CSMD1: variants seen among roughly 807,000 people sequenced by gnomAD.
CSMD1 encodes CUB and sushi domain-containing protein 1.
Under a neutral mutation model 417.5 loss-of-function variants are expected in CSMD1, and 213 were observed. That is an observed-to-expected ratio of 0.51 (90% confidence interval 0.46 to 0.57). The LOEUF (loss-of-function observed/expected upper bound fraction) is 0.57. CSMD1 is among the 20% of genes least tolerant of loss of function. The pLI, the probability that CSMD1 is intolerant of heterozygous loss-of-function variation, is 0.00. For missense variants in CSMD1, 6,923 were observed against 4,529.7 expected (o/e 1.53, Z -15.17); for synonymous variants, 2,862 against 1,736.8 (o/e 1.65, Z -16.11).
intron 23 of CSMD1, among the ~76,000 whole-genome samples, chr8:3,314,943 G>C (rs547100163): frequency 6.6e-6 from 1 of 152,194 alleles, no homozygotes; most frequent in East Asian, 1.9e-4. Context: ...AGCAACTCTT[G>C]AGAAAGTAGT....
At chr8:4,730,021 C>T (rs1199813199) in intron 1 of CSMD1, among the ~76,000 whole-genome samples, 1 of 152,272 alleles carries the variant, frequency 6.6e-6, no homozygotes, top group South Asian at 2.1e-4. Context: ...CAGAGCACAC[C>T]TGCTCCCATG....
chr8:3,554,493 G>A (rs1799056684), intron 10 of CSMD1, among the ~76,000 whole-genome samples: 1 of 152,150 alleles, frequency 6.6e-6, no homozygotes, highest in Non-Finnish European at 1.5e-5. Context: ...GAGGGTGGAA[G>A]GGAAGCAAGG....
chr8:3,608,747 G>C (rs536062904), intron 8 of CSMD1, among the ~76,000 whole-genome samples: 19 of 138,490 alleles, frequency 1.4e-4, no homozygotes, highest in Admixed American at 1.4e-3. Context: ...CTGGACAACA[G>C]AGTGAGACTC....
chr8:4,652,616 C>T (rs373009710), intron 1 of CSMD1, among the ~76,000 whole-genome samples: 5 of 151,892 alleles, frequency 3.3e-5, no homozygotes, highest in Admixed American at 6.6e-5. Flanking sequence ...CAAGCCATTG[C>T]ACCACAGCCT....
intron 4 of CSMD1, among the ~76,000 whole-genome samples, chr8:4,015,041 G>T (rs915299774): frequency 6.6e-5 from 10 of 151,996 alleles, no homozygotes; most frequent in Non-Finnish European, 1.2e-4. Context: ...TGATTTTTTT[G>T]AACAGTTTTA....
At chr8:4,240,901 A>G (rs1160040915) in intron 3 of CSMD1, among the ~76,000 whole-genome samples, 1 of 152,228 alleles carries the variant, frequency 6.6e-6, no homozygotes, top group African/African-American at 2.4e-5. Flanking sequence ...ATGTTACTGT[A>G]AAGAAAATAG....
chr8:3,291,877 T>A (rs1316294317), intron 25 of CSMD1, among the ~76,000 whole-genome samples: 2 of 152,126 alleles, frequency 1.3e-5, no homozygotes, highest in Admixed American at 6.5e-5. Flanking sequence ...AGCTTTTGAA[T>A]GTGTTTGTTC....
intron 5 of CSMD1, among the ~76,000 whole-genome samples, chr8:3,985,350 T>C (rs555610626): frequency 6.6e-6 from 1 of 152,328 alleles, no homozygotes; most frequent in African/African-American, 2.4e-5. Context: ...GGTTACAGAT[T>C]GCATTGTTTT....
At chr8:4,246,791 A>C (rs1370364118) in intron 3 of CSMD1, among the ~76,000 whole-genome samples, 2 of 152,216 alleles carry the variant, frequency 1.3e-5, no homozygotes, top group Non-Finnish European at 2.9e-5. Context: ...TTTGAAATGT[A>C]AAGAAATGTA....
intron 1 of CSMD1, among the ~76,000 whole-genome samples, chr8:4,883,250 G>T (rs867458141): frequency 2.6e-5 from 4 of 152,040 alleles, no homozygotes; most frequent in Middle Eastern, 3.2e-3. Context: ...GATCAGATAA[G>T]AGAATGATGA....
In CSMD1 at chr8:3,214,719, T is replaced by C. The variant is rs916079292; in HGVS notation, c.4673-28A>G. 8 of 1,518,454 alleles carry C rather than the reference T, an allele frequency of 5.3e-6. No homozygotes were observed. In the African/African-American group the frequency reaches 8.3e-5, roughly 16 times the overall value. 94.1% of individuals were successfully genotyped at this position (1,518,454 alleles called of 1,614,324 possible). A position where few individuals can be genotyped will look rare whatever the true frequency, so the allele number is the denominator to read the frequency against. ...GTGGAAGAAATGAATGTAAACTGCA[T>C]GAGAGCAGGGATCTTATTCTTGTTT... is the stretch of plus-strand genomic sequence containing the variant. On this transcript the variant is annotated intron_variant, in intron 29 of 69. Transcript: ENST00000635120.
chr8:3,793,642 T>G (rs557575986), intron 5 of CSMD1, among the ~76,000 whole-genome samples: 3 of 152,196 alleles, frequency 2.0e-5, no homozygotes, highest in Admixed American at 6.5e-5. Flanking sequence ...TCACCTCAAT[T>G]GCTTGGATGA....
intron 5 of CSMD1, among the ~76,000 whole-genome samples, chr8:3,815,247 G>C (rs749157001): frequency 2.6e-5 from 4 of 152,022 alleles, no homozygotes; most frequent in Non-Finnish European, 2.9e-5. Context: ...ATATGATTTG[G>C]GTAAAGTGTC....
chr8:3,309,898 G>C (rs1005260491), intron 23 of CSMD1, among the ~76,000 whole-genome samples: 1 of 152,136 alleles, frequency 6.6e-6, no homozygotes, highest in South Asian at 2.1e-4. Context: ...TTGATCCTTT[G>C]CACTCAGTGA....
In CSMD1 at chr8:4,128,182, C is replaced by A. The variant is rs188050534; in HGVS notation, c.416-96083G>T. ...TTGCACTCTTGGTCGGGGACCCCTGCGGAAAAAGTGCCCTGAGAAAACAGC... is the reference window on the plus strand; with the variant it reads ...TTGCACTCTTGGTCGGGGACCCCTGAGGAAAAAGTGCCCTGAGAAAACAGC... On this transcript the variant is annotated intron_variant, in intron 3 of 69. Transcript: ENST00000635120. Among the ~76,000 whole-genome samples, 4 of 151,994 alleles carry A rather than the reference C, an allele frequency of 2.6e-5. No individual in the cohort carries two copies. In the South Asian group the frequency reaches 6.2e-4, roughly 24 times the overall value.
intron 3 of CSMD1, among the ~76,000 whole-genome samples, chr8:4,281,272 T>A (rs570052955): frequency 1.3e-5 from 2 of 152,134 alleles, no homozygotes; most frequent in Admixed American, 6.6e-5. Flanking sequence ...TCGACAGCAT[T>A]ATGGGAAAAT....
rs186117673 is a variant in CSMD1 at position 3,547,693 on chromosome 8, C to T, written c.1344+27252G>A. The stretch of plus-strand genomic sequence containing the variant: ...CTACAACCTTTCTTTGGAGTTAAAT[C>T]TACTAAGCCTACCTATATGAAAAAC... On this transcript the variant is annotated intron_variant, in intron 10 of 69. Transcript: ENST00000635120. 2.6e-4 allele frequency among the ~76,000 whole-genome samples: 39 copies of T among 152,202 alleles called. 1 individual carries two copies. The East Asian group carries it at 7.5e-3, about 29-fold the overall frequency.
At chr8:4,147,190 C>G (rs986076878) in intron 3 of CSMD1, among the ~76,000 whole-genome samples, 1 of 152,106 alleles carries the variant, frequency 6.6e-6, no homozygotes, top group Non-Finnish European at 1.5e-5. Context: ...CCAGGCAACA[C>G]TCCCTCACAC....
intron 1 of CSMD1, among the ~76,000 whole-genome samples, chr8:4,694,146 T>C (rs993246912): frequency 1.3e-5 from 2 of 152,208 alleles, no homozygotes; most frequent in African/African-American, 4.8e-5. Context: ...GGGAATTTCC[T>C]TGTGGACAAA....
Sources: allele counts gnomAD v4.1 joint callset (sites outside exome capture counted in the v4.1 genomes callset), GRCh38; gene constraint gnomAD v4.1.1; transcripts MANE v1.5; gene names NCBI Gene and HGNC (gene_info 2026-07-23, HGNC 2026-07-21).